Variants in ST6GALNAC3 observed in about 807,000 individuals in gnomAD.
The protein encoded by ST6GALNAC3 is ST6 N-acetylgalactosaminide alpha-2,6-sialyltransferase 3, also known as alpha-N-acetylgalactosaminide alpha-2,6-sialyltransferase 3.
A neutral mutation model predicts 32.7 loss-of-function variants in ST6GALNAC3; 25 were observed. That is an observed-to-expected ratio of 0.76 (90% CI 0.56 to 1.07). The LOEUF (loss-of-function observed/expected upper bound fraction) is 1.07, where lower values mean the gene tolerates loss of function less well. ST6GALNAC3 is among the 50% of genes least tolerant of loss of function. ST6GALNAC3 has a pLI of 0.00. For synonymous variants in ST6GALNAC3, 129 were observed against 133.1 expected (o/e 0.97, Z 0.21); for missense variants, 355 against 382.4 (o/e 0.93, Z 0.60).
chr1:76,626,118 A>AT (rs1236682471), intron 3 of ST6GALNAC3, among the ~76,000 whole-genome samples: 1 of 151,876 alleles, frequency 6.6e-6, no homozygotes, highest in Admixed American at 6.6e-5. Flanking sequence ...GCAGCAAAGG[A>AT]TTCAAGGCTC....
chr1:76,076,003 C>G (rs1646811279), intron 1 of ST6GALNAC3, among the ~76,000 whole-genome samples: 1 of 152,164 alleles, frequency 6.6e-6, no homozygotes, highest in African/African-American at 2.4e-5. Context: ...AAGAGACTAA[C>G]CTCGTAGAAG....
chr1:76,394,051 T>C (rs1207397561), intron 2 of ST6GALNAC3, among the ~76,000 whole-genome samples: 1 of 152,184 alleles, frequency 6.6e-6, no homozygotes, highest in East Asian at 1.9e-4. Flanking sequence ...TTTCCTTTTG[T>C]GGAGTATGAG....
At chr1:76,176,109 G>A (rs544859982) in intron 1 of ST6GALNAC3, among the ~76,000 whole-genome samples, 1 of 152,250 alleles carries the variant, frequency 6.6e-6, no homozygotes, top group African/African-American at 2.4e-5. Context: ...CCTAAGATAT[G>A]TGGTTTGTGG....
intron 2 of ST6GALNAC3, 76 bp from the exon 3 acceptor site, chr1:76,411,932 C>A (rs745633850): frequency 6.7e-7 from 1 of 1,484,994 alleles, no homozygotes; most frequent in Non-Finnish European, 9.1e-7. Flanking sequence ...AATATATGAA[C>A]TTTTGTTTTC....
intron 1 of ST6GALNAC3, among the ~76,000 whole-genome samples, chr1:76,297,713 G>T (rs1660486411): frequency 6.6e-6 from 1 of 152,030 alleles, no homozygotes; most frequent in African/African-American, 2.4e-5. Flanking sequence ...GGTGATATGT[G>T]TACGAGACCT....
At chr1:76,236,618 G>A (rs1656676082) in intron 1 of ST6GALNAC3, among the ~76,000 whole-genome samples, 1 of 152,122 alleles carries the variant, frequency 6.6e-6, no homozygotes, top group African/African-American at 2.4e-5. Flanking sequence ...GAAGCTTAGA[G>A]AGGTGAAAAG....
intron 3 of ST6GALNAC3, among the ~76,000 whole-genome samples, chr1:76,471,266 T>G (rs1170634871): frequency 1.3e-5 from 2 of 152,132 alleles, no homozygotes; most frequent in Non-Finnish European, 2.9e-5. Context: ...GATACTGTCT[T>G]CATAAAACAC....
At chr1:76,478,870 C>G (rs1275801366) in intron 3 of ST6GALNAC3, among the ~76,000 whole-genome samples, 7 of 147,340 alleles carry the variant, frequency 4.8e-5, no homozygotes, top group African/African-American at 1.8e-4. Flanking sequence ...TCATGCCATT[C>G]TCCTGCCTCA....
At chr1:76,636,426 G>A (rs947418207), downstream of ST6GALNAC3, among the ~76,000 whole-genome samples, 1 of 151,960 alleles carries the variant, frequency 6.6e-6, no homozygotes, top group Admixed American at 6.6e-5. Context: ...ATGCAGTACT[G>A]TGATATTTTT....
intron 1 of ST6GALNAC3, among the ~76,000 whole-genome samples, chr1:76,112,969 T>TG (rs1398792493): frequency 4.6e-5 from 7 of 151,990 alleles, no homozygotes; most frequent in South Asian, 4.2e-4. Flanking sequence ...CTCGGCACTT[T>TG]GGGGGGCCAA....
chr1:76,516,602 A>G (rs1394574335), intron 3 of ST6GALNAC3, among the ~76,000 whole-genome samples: 1 of 151,936 alleles, frequency 6.6e-6, no homozygotes, highest in Non-Finnish European at 1.5e-5. Context: ...CTTAGATAAC[A>G]TCTGAGCTTG....
chr1:76,474,997 T>C (rs937695922), intron 3 of ST6GALNAC3, among the ~76,000 whole-genome samples: 3 of 152,152 alleles, frequency 2.0e-5, no homozygotes, highest in African/African-American at 7.2e-5. Context: ...TAAATCACAA[T>C]GGAAGGATAA....
At chr1:76,226,425 A>G (rs750622121) in intron 1 of ST6GALNAC3, among the ~76,000 whole-genome samples, 5 of 152,242 alleles carry the variant, frequency 3.3e-5, no homozygotes, top group Non-Finnish European at 7.3e-5. Flanking sequence ...TTCAATTAAC[A>G]GGGATTACAA....
At chr1:76,209,543 C>T (rs978284301) in intron 1 of ST6GALNAC3, among the ~76,000 whole-genome samples, 1 of 152,166 alleles carries the variant, frequency 6.6e-6, no homozygotes, top group African/African-American at 2.4e-5. Context: ...TCTGCTATAA[C>T]TTAGCTAGGT....
intron 1 of ST6GALNAC3, among the ~76,000 whole-genome samples, chr1:76,216,614 CT>C (rs1310695111): frequency 6.6e-6 from 1 of 152,174 alleles, no homozygotes; most frequent in Non-Finnish European, 1.5e-5. Flanking sequence ...CTTCTTTCTT[CT>C]TTTCTCCCCC....
chr1:76,320,309 C>T (rs577892913), intron 2 of ST6GALNAC3, among the ~76,000 whole-genome samples: 18 of 152,298 alleles, frequency 1.2e-4, no homozygotes, highest in African/African-American at 3.4e-4. Flanking sequence ...TGCTGGTAAT[C>T]GTCATTGCCT....
intron 3 of ST6GALNAC3, among the ~76,000 whole-genome samples, chr1:76,491,455 T>C (rs928097045): frequency 6.6e-6 from 1 of 152,146 alleles, no homozygotes; most frequent in African/African-American, 2.4e-5. Context: ...CCACAGTCTC[T>C]AGGAATTGGG....
chr1:76,141,862 T>C (rs1167356714), intron 1 of ST6GALNAC3, among the ~76,000 whole-genome samples: 2 of 151,932 alleles, frequency 1.3e-5, no homozygotes, highest in Non-Finnish European at 2.9e-5. Flanking sequence ...TGCCCTAGAG[T>C]TGAGATTCAA....
rs145735759 is a variant in ST6GALNAC3, at chr1:76,101,999, G to C, written c.18+27115G>C. On this transcript the variant is annotated intron_variant, in intron 1 of 4. Coordinates refer to ENST00000328299, the MANE Select transcript of ST6GALNAC3 (RefSeq NM_152996.4). ...TCTATATGTTTATTTGGCCAATTTTGCTGTTTATGTTCTTCAGATTTTCTG... is the reference window on the plus strand; with the variant it reads ...TCTATATGTTTATTTGGCCAATTTTCCTGTTTATGTTCTTCAGATTTTCTG... Among the ~76,000 whole-genome samples the C allele has an allele frequency of 5.9e-5, 9 of 152,108 alleles. No individual in the cohort carries two copies. In the East Asian group the frequency reaches 1.7e-3, roughly 29 times the overall value.
Sources: gnomAD v4.1 joint callset for allele counts (sites outside exome capture counted in the v4.1 genomes callset) on GRCh38, gnomAD v4.1.1 for gene constraint, MANE v1.5 for transcripts, NCBI Gene and HGNC (gene_info 2026-07-23, HGNC 2026-07-21) for gene names.